The following EPOP variants were observed in gnomAD, a reference collection of about 807,000 sequenced individuals.
EPOP encodes the protein elongin BC and polycomb repressive complex 2 associated protein, also known as elongin BC and Polycomb repressive complex 2-associated protein.
In EPOP, 14 loss-of-function variants were observed where a neutral mutation model predicts 18.2. That is an observed-to-expected ratio of 0.77 (90% CI 0.51 to 1.20). EPOP has a LOEUF of 1.20. EPOP is among the 50% of genes most tolerant of loss of function. The pLI is 0.00. For synonymous variants in EPOP, 252 were observed against 274.9 expected, an observed-to-expected ratio of 0.92 and a Z score of 0.83; for missense variants, 527 against 577.2, an observed-to-expected ratio of 0.91 and a Z score of 0.89.
Position 38,673,916 on chromosome 17 carries a change from C to T in EPOP, c.580G>A (p.Ala194Thr), listed in dbSNP as rs1911031498. The T allele has an allele frequency of 7.2e-7, 1 of 1,386,066 alleles. No individual in the cohort carries two copies. The highest frequency in any genetic ancestry group is 1.5e-5 in the African/African-American group (1 of 65,412). 85.9% of individuals were successfully genotyped at this position (1,386,066 alleles called of 1,614,324 possible). A position where few individuals can be genotyped will look rare whatever the true frequency, so the allele number is the denominator to read the frequency against. The change falls in exon 1 of 1, where the codon GCG becomes ACG. Residue 194 changes from alanine to threonine, a missense_variant. Ala to Thr is a moderately conservative substitution (Grantham distance 58). Transcript: ENST00000621654. The stretch of plus-strand genomic sequence containing the variant: ...GGCCGCGGCGCCGTCCCGGGACCCG[C>T]GGGCTCGGTGGAGAGGCCCGCAGGT... ...SPPAGLSTEPAGPGTAPRPFL... is the reference protein window; with the variant it reads ...SPPAGLSTEPTGPGTAPRPFL...
At position 38,672,273 on chromosome 17, in the gene EPOP, A is replaced by C. The variant is rs1378389688; in HGVS notation, c.*1083T>G. 6.6e-6 allele frequency: 1 copy of C among 151,806 alleles called. No individual in the cohort carries two copies. The highest frequency in any genetic ancestry group is 1.9e-4 in the East Asian group (1 of 5,178). 9.4% of individuals were successfully genotyped at this position (151,806 alleles called of 1,614,324 possible). ...ACTTTGCCCCTTCAAACCCCAGGGG[A>C]CTCTTGAAGTTAGGCCAAGAGTCCT... On this transcript the variant is annotated 3_prime_UTR_variant, in exon 1 of 1. Coordinates refer to ENST00000621654, the MANE Select transcript of EPOP (RefSeq NM_001130677.2).
At position 38,674,136 on chromosome 17, in the gene EPOP, T is replaced by C. The variant is rs1360231406; in HGVS notation, c.360A>G (p.Glu120=). 1 of 1,451,854 alleles carries C rather than the reference T, an allele frequency of 6.9e-7. No individual in the cohort carries two copies. The highest frequency in any genetic ancestry group is 1.5e-5 in the African/African-American group (1 of 67,178). 89.9% of individuals were successfully genotyped at this position (1,451,854 alleles called of 1,614,324 possible). A position where few individuals can be genotyped will look rare whatever the true frequency, so the allele number is the denominator to read the frequency against. The change falls in exon 1 of 1, where the codon GAA becomes GAG. Residue 120 remains glutamate (E), a synonymous_variant. Transcript: ENST00000621654. This position sits in a 1 kb window ranked among gnomAD's most constrained non-coding sequence, Gnocchi z 4.5. The stretch of plus-strand genomic sequence containing the variant: ...AGTGCGGGAAACCGCCTCCGCCCTC[T>C]TCCTCCTCTCCGCGGCGGGGGCACG... ...VAACPRRGEE[E]EGGGGFPHFG... is the part of the protein sequence containing the mutation.
chr17:38,672,386 C>A lies in EPOP; in HGVS notation c.*970G>T, dbSNP rs1910972248. ...TGGGTGTCCAAAGAATGGACTTGGG[C>A]CTGCCTTCCACCTCCACCCCCTCTC... On this transcript the variant is annotated 3_prime_UTR_variant, in exon 1 of 1. Transcript: ENST00000621654. 1 of 152,210 alleles carries A rather than the reference C, an allele frequency of 6.6e-6. No individual in the cohort carries two copies. Among genetic ancestry groups the A allele is most frequent in the African/African-American group, 2.4e-5 (1 of 41,442 alleles). 9.4% of individuals were successfully genotyped at this position (152,210 alleles called of 1,614,324 possible).
In EPOP at chr17:38,674,385, C is replaced by G; in HGVS notation, c.111G>C (p.Pro37=). 1 of 1,543,660 alleles carries G rather than the reference C, an allele frequency of 6.5e-7. No homozygotes were observed. The highest frequency in any genetic ancestry group is 8.7e-7 in the Non-Finnish European group (1 of 1,146,222). ...KPCRGTQEFS[P]LCLRALAFCA... ...AGAAGGCGAGGGCACGCAGGCACAG[C>G]GGAGAGAATTCCTGGGTCCCCCGAC... Residue 37 remains proline, a synonymous_variant, in exon 1 of 1, where the codon CCG becomes CCC. Coordinates refer to ENST00000621654, the MANE Select transcript of EPOP (RefSeq NM_001130677.2). The surrounding 1 kb of genome is among the most constrained non-coding windows in gnomAD (Gnocchi z 4.5).
At position 38,673,963 on chromosome 17, in the gene EPOP, G is replaced by A. The variant is rs1911033507; in HGVS notation, c.533C>T (p.Pro178Leu). ...AGGTGGCGACGGAGGCCGGGAACTGGGTTCCTGAGGCGGGCTGGCGGCTGG... is the reference window on the plus strand; with the variant it reads ...AGGTGGCGACGGAGGCCGGGAACTGAGTTCCTGAGGCGGGCTGGCGGCTGG... The part of the protein sequence containing the change: ...RGPAASPPQE[P>L]SSRPPSPPAG... Residue 178 changes from proline (P) to leucine (L), a missense_variant, in exon 1 of 1, where the codon CCC (proline) becomes CTC (leucine). Pro to Leu is a moderately conservative substitution (Grantham distance 98). Coordinates refer to ENST00000621654, the MANE Select transcript of EPOP (RefSeq NM_001130677.2). The A allele has an allele frequency of 1.0e-5, 14 of 1,401,852 alleles. No individual in the cohort carries two copies. In the South Asian group the frequency reaches 2.1e-4, roughly 21 times the overall value. 86.8% of individuals were successfully genotyped at this position (1,401,852 alleles called of 1,614,324 possible).
chr17:38,673,361 T>C lies in EPOP; in HGVS notation c.1135A>G (p.Ser379Gly). The C allele has an allele frequency of 6.5e-7, 1 of 1,529,272 alleles. No individual in the cohort carries two copies. The highest frequency in any genetic ancestry group is 8.8e-7 in the Non-Finnish European group (1 of 1,137,614). 94.7% of individuals were successfully genotyped at this position (1,529,272 alleles called of 1,614,324 possible). Residue 379 changes from serine to glycine, a missense_variant, in exon 1 of 1, where the codon AGC (serine) becomes GGC (glycine). Coordinates refer to ENST00000621654, the MANE Select transcript of EPOP (RefSeq NM_001130677.2). ...CTTTGGCAGAAGTCCCACGGTCAGC[T>C]TTCATCCATGTTGATCCCCCAGAAT... The part of the protein sequence containing the change: ...LKFWGINMDE[S>G]
Position 38,673,373 on chromosome 17 carries a change from T to G in EPOP, c.1123A>C (p.Asn375His). 6.7e-7 allele frequency: 1 copy of G among 1,502,616 alleles called. No homozygotes were observed. The highest frequency in any genetic ancestry group is 8.9e-7 in the Non-Finnish European group (1 of 1,123,944). 93.1% of individuals were successfully genotyped at this position (1,502,616 alleles called of 1,614,324 possible). Reference sequence around the variant, plus strand: ...TCCCACGGTCAGCTTTCATCCATGTTGATCCCCCAGAATTTGAGGCCAGGG... The same window carrying G: ...TCCCACGGTCAGCTTTCATCCATGTGGATCCCCCAGAATTTGAGGCCAGGG... ...EPPGLKFWGI[N>H]MDES The change falls in exon 1 of 1, where the codon AAC becomes CAC. Residue 375 changes from asparagine to histidine, a missense_variant. By Grantham distance (68) the Asn-to-His change is moderately conservative (BLOSUM62 1). Transcript: ENST00000621654.
In EPOP at chr17:38,673,066, G is replaced by T; in HGVS notation, c.*290C>A. On this transcript the variant is annotated 3_prime_UTR_variant, in exon 1 of 1. Transcript: ENST00000621654. The stretch of plus-strand genomic sequence containing the variant: ...GCGGTGGCCTCCTTTGCTCCCACTG[G>T]GGTGCAGGCCCTGCCTCCAACGGTC... 7.8e-6 allele frequency: 3 copies of T among 382,510 alleles called. No homozygotes were observed. The highest frequency in any genetic ancestry group is 1.4e-5 in the Non-Finnish European group (3 of 219,702). The allele number at this position is 382,510 out of a possible 1,614,324, so 23.7% of individuals were successfully genotyped here.
Position 38,674,525 on chromosome 17 carries a change from G to T in EPOP, c.-30C>A. On this transcript the variant is annotated 5_prime_UTR_variant, in exon 1 of 1. Transcript: ENST00000621654. The surrounding 1 kb of genome is among the most constrained non-coding windows in gnomAD (Gnocchi z 4.5). ...CAGCCTGAGGGGTGCCCACTGAGCG[G>T]GTCCAGGTCCCAGCGGCGGGATGCC... The T allele has an allele frequency of 6.8e-7, 1 of 1,464,478 alleles. No homozygotes were observed. 90.7% of individuals were successfully genotyped at this position (1,464,478 alleles called of 1,614,324 possible). A position where few individuals can be genotyped will look rare whatever the true frequency, so the allele number is the denominator to read the frequency against.
chr17:38,674,543 G>A lies in EPOP; in HGVS notation c.-48C>T. ...CTGAGCGGGTCCAGGTCCCAGCGGC[G>A]GGATGCCCTGGCTGCCCGAAGAGCC... On this transcript the variant is annotated 5_prime_UTR_variant, in exon 1 of 1. Coordinates refer to ENST00000621654, the MANE Select transcript of EPOP (RefSeq NM_001130677.2). This position sits in a 1 kb window ranked among gnomAD's most constrained non-coding sequence, Gnocchi z 4.5. 6.9e-7 allele frequency: 1 copy of A among 1,439,306 alleles called. No homozygotes were observed. 89.2% of individuals were successfully genotyped at this position (1,439,306 alleles called of 1,614,324 possible). A position where few individuals can be genotyped will look rare whatever the true frequency, so the allele number is the denominator to read the frequency against.
chr17:38,673,443 G>C lies in EPOP; in HGVS notation c.1053C>G (p.His351Gln). 6.6e-7 allele frequency: 1 copy of C among 1,515,034 alleles called. No homozygotes were observed. The highest frequency in any genetic ancestry group is 8.8e-7 in the Non-Finnish European group (1 of 1,132,822). The allele number at this position is 1,515,034 out of a possible 1,614,324, so 93.8% of individuals were successfully genotyped here. A position where few individuals can be genotyped will look rare whatever the true frequency, so the allele number is the denominator to read the frequency against. The change falls in exon 1 of 1, where the codon CAC becomes CAG. Residue 351 changes from histidine (H) to glutamine (Q), a missense_variant. Transcript: ENST00000621654. Reference protein sequence around the residue: ...LQGDSKPPPAHPLWRWQMGGP... With the variant: ...LQGDSKPPPAQPLWRWQMGGP... ...CCCCCATCTGCCACCTCCACAGCGG[G>C]TGGGCGGGCGGGGGCTTAGAGTCTC...
rs746836952 is a variant in EPOP at position 38,672,208 on chromosome 17, A to T, written c.*1148T>A. 1 of 151,826 alleles carries T rather than the reference A, an allele frequency of 6.6e-6. No homozygotes were observed. The highest frequency in any genetic ancestry group is 1.5e-5 in the Non-Finnish European group (1 of 68,028). 9.4% of individuals were successfully genotyped at this position (151,826 alleles called of 1,614,324 possible). On this transcript the variant is annotated 3_prime_UTR_variant, in exon 1 of 1. Transcript: ENST00000621654. ...CCTGAGGCTGGGGTGTTGCGGGGGG[A>T]AGCTTAAGGTACCTCAGCCCAGGTT...
Position 38,673,847 on chromosome 17 carries a change from G to A in EPOP, c.649C>T (p.Pro217Ser), listed in dbSNP as rs1012414769. 7.4e-6 allele frequency: 11 copies of A among 1,480,738 alleles called. No individual in the cohort carries two copies. The African/African-American group carries it at 1.6e-4, about 22-fold the overall frequency. 91.7% of individuals were successfully genotyped at this position (1,480,738 alleles called of 1,614,324 possible). ...QPAEVDGNPP[P>S]AAPEAPAASP... ...GCCGCTGGAGCCTCGGGGGCGGCCGGCGGGGGGTTTCCATCGACTTCGGCA... is the reference window on the plus strand; with the variant it reads ...GCCGCTGGAGCCTCGGGGGCGGCCGACGGGGGGTTTCCATCGACTTCGGCA... Residue 217 changes from proline to serine, a missense_variant, in exon 1 of 1, where the codon CCG (proline) becomes TCG (serine). Transcript: ENST00000621654.
At position 38,674,476 on chromosome 17, in the gene EPOP, G is replaced by A; in HGVS notation, c.20C>T (p.Ala7Val). Residue 7 changes from alanine (A) to valine (V), a missense_variant, in exon 1 of 1, where the codon GCG becomes GTG. By Grantham distance (64) the Ala-to-Val change is moderately conservative (BLOSUM62 0). Transcript: ENST00000621654. This position sits in a 1 kb window ranked among gnomAD's most constrained non-coding sequence, Gnocchi z 4.5. ...GGACGCCGGCACTGCCAGGCGGGGCGCAGGGCACAGGGTCTCCATGGAGCA... is the reference window on the plus strand; with the variant it reads ...GGACGCCGGCACTGCCAGGCGGGGCACAGGGCACAGGGTCTCCATGGAGCA... METLCPAPRLAVPASPR... is the reference protein window; with the variant it reads METLCPVPRLAVPASPR... 2 of 1,535,546 alleles carry A rather than the reference G, an allele frequency of 1.3e-6. No individual in the cohort carries two copies. The highest frequency in any genetic ancestry group is 2.0e-5 in the Admixed American group (1 of 50,752).
At position 38,674,749 on chromosome 17, in the gene EPOP, C is replaced by T. The variant is rs1479032136; in HGVS notation, c.-254G>A. On this transcript the variant is annotated 5_prime_UTR_variant, in exon 1 of 1. Coordinates refer to ENST00000621654, the MANE Select transcript of EPOP (RefSeq NM_001130677.2). The surrounding 1 kb of genome is among the most constrained non-coding windows in gnomAD (Gnocchi z 4.5). ...GCGGGGTCGGCCGCCCTTCTGCCGCCGCGTCCCCTTCGCAACCCCGGCGGG... is the reference window on the plus strand; with the variant it reads ...GCGGGGTCGGCCGCCCTTCTGCCGCTGCGTCCCCTTCGCAACCCCGGCGGG... 8.0e-6 allele frequency: 3 copies of T among 376,418 alleles called. No homozygotes were observed. The highest frequency in any genetic ancestry group is 3.8e-5 in the East Asian group (1 of 26,376). The allele number at this position is 376,418 out of a possible 1,614,324, so 23.3% of individuals were successfully genotyped here.
rs541981015 is a variant in EPOP at position 38,674,188 on chromosome 17, G to A, written c.308C>T (p.Ala103Val). ...TGCGACGTCCGCATCCTCGCCGGCG[G>A]CGGTGTTAGGAACGCCGGGCCGCCC... Reference protein sequence around the residue: ...PTGRPGVPNTAAGEDADVAAC... With the variant: ...PTGRPGVPNTVAGEDADVAAC... Residue 103 changes from alanine (A) to valine (V), a missense_variant, in exon 1 of 1, where the codon GCC (alanine) becomes GTC (valine). Transcript: ENST00000621654. The surrounding 1 kb of genome is among the most constrained non-coding windows in gnomAD (Gnocchi z 4.5). The A allele has an allele frequency of 7.7e-5, 110 of 1,420,588 alleles. 2 individuals carry two copies. In the Middle Eastern group the frequency reaches 2.9e-3, roughly 37 times the overall value. 88.0% of individuals were successfully genotyped at this position (1,420,588 alleles called of 1,614,324 possible). A position where few individuals can be genotyped will look rare whatever the true frequency, so the allele number is the denominator to read the frequency against.
Position 38,674,814 on chromosome 17 carries a change from A to C in EPOP, c.-319T>G. 4.4e-6 allele frequency: 1 copy of C among 226,488 alleles called. No individual in the cohort carries two copies. The highest frequency in any genetic ancestry group is 8.0e-5 in the East Asian group (1 of 12,460). The allele number at this position is 226,488 out of a possible 1,614,324, so 14.0% of individuals were successfully genotyped here. On this transcript the variant is annotated 5_prime_UTR_variant, in exon 1 of 1. Transcript: ENST00000621654. This position sits in a 1 kb window ranked among gnomAD's most constrained non-coding sequence, Gnocchi z 4.5. ...CGCCCGAAGCGCAGAGGCAGGGGAA[A>C]CAAAGCGGCCGGCGGCCGCGGGAGG... is the stretch of plus-strand genomic sequence containing the variant.
chr17:38,673,742 A>G lies in EPOP; in HGVS notation c.754T>C (p.Ser252Pro), dbSNP rs1230658100. 6.5e-7 allele frequency: 1 copy of G among 1,529,208 alleles called. No individual in the cohort carries two copies. The allele number at this position is 1,529,208 out of a possible 1,614,324, so 94.7% of individuals were successfully genotyped here. ...QEHFDRLIRR[S>P]KLWCYAKGFA... ...CCCTTCGCGTAACACCAAAGTTTCG[A>G]CCGGCGGATCAGACGATCGAAATGT... The change falls in exon 1 of 1, where the codon TCG becomes CCG. Residue 252 changes from serine (S) to proline (P), a missense_variant. Transcript: ENST00000621654.
Position 38,673,357 on chromosome 17 carries a change from C to T in EPOP, c.1139G>A (p.Ter380=). The T allele has an allele frequency of 6.6e-7, 1 of 1,522,298 alleles. No individual in the cohort carries two copies. Among genetic ancestry groups the T allele is most frequent in the Non-Finnish European group, 8.8e-7 (1 of 1,135,118 alleles). The allele number at this position is 1,522,298 out of a possible 1,614,324, so 94.3% of individuals were successfully genotyped here. A position where few individuals can be genotyped will look rare whatever the true frequency, so the allele number is the denominator to read the frequency against. The change falls in exon 1 of 1, where the codon TGA becomes TAA. Residue 380 remains the stop codon, a stop_retained_variant. Coordinates refer to ENST00000621654, the MANE Select transcript of EPOP (RefSeq NM_001130677.2). ...TCCCCTTTGGCAGAAGTCCCACGGT[C>T]AGCTTTCATCCATGTTGATCCCCCA... is the stretch of plus-strand genomic sequence containing the variant. ...KFWGINMDES[*] is the part of the protein sequence containing the mutation.
Sources: allele counts gnomAD v4.1 joint callset, GRCh38; gene constraint gnomAD v4.1.1; non-coding constraint Gnocchi (gnomAD v3.1); transcripts MANE v1.5; gene names NCBI Gene and HGNC (gene_info 2026-07-23, HGNC 2026-07-21).